Variants in FCHSD2 observed in about 807,000 individuals in gnomAD.
The protein encoded by FCHSD2 is FCH and double SH3 domains 2.
In FCHSD2, 38 loss-of-function variants were observed where a neutral mutation model predicts 108.1. That is an observed-to-expected ratio of 0.35 (90% CI 0.27 to 0.46). The LOEUF is 0.46. FCHSD2 is among the 20% of genes least tolerant of loss of function. The probability of loss-of-function intolerance (pLI) is 1.00; values close to 1 mark genes in which losing one functional copy is unlikely to be tolerated. For synonymous variants in FCHSD2, 279 were observed against 314.7 expected, an observed-to-expected ratio of 0.89 and a Z score of 1.20; for missense variants, 751 against 897.8, an observed-to-expected ratio of 0.84 and a Z score of 2.09.
chr11:73,117,777 A>AT (rs1428227764), intron 2 of FCHSD2, among the ~76,000 whole-genome samples: 1 of 152,178 alleles, frequency 6.6e-6, no homozygotes, highest in Non-Finnish European at 1.5e-5. Context: ...GCTTTATCAC[A>AT]TATCTATCCA....
intron 9 of FCHSD2, 109 bp from the exon 10 acceptor site, chr11:72,902,747 C>A: frequency 1.6e-6 from 1 of 624,646 alleles, no homozygotes; most frequent in Non-Finnish European, 2.7e-6. Flanking sequence ...GAGAAATCAT[C>A]CAACACTGTG....
chr11:73,106,993 T>C (rs1259705620), intron 2 of FCHSD2, among the ~76,000 whole-genome samples: 1 of 152,126 alleles, frequency 6.6e-6, no homozygotes, highest in East Asian at 1.9e-4. Context: ...ACTCGACTTT[T>C]TAAAGCCCAC....
At chr11:73,107,204 G>A (rs140718366) in intron 2 of FCHSD2, among the ~76,000 whole-genome samples, 1,805 of 152,074 alleles carry the variant, frequency 0.012, 25 homozygotes, top group Non-Finnish European at 0.018. Context: ...ACAGGCATGC[G>A]CCACCATACC....
In FCHSD2 at chr11:72,838,604, C is replaced by CA. The variant is rs113447165; in HGVS notation, c.*186dup. On this transcript the variant is annotated 3_prime_UTR_variant, in exon 20 of 20. Coordinates refer to ENST00000409418, the MANE Select transcript of FCHSD2 (RefSeq NM_014824.3). ...GGAGAAATGACATAGAAAATGACAA[C>CA]AAAAAAAAAAGGCACGAAATATTCA... 8,750 of 456,004 alleles carry CA rather than the reference C, an allele frequency of 0.019. 1 individual carries two copies. Among genetic ancestry groups the CA allele is most frequent in the South Asian group, 0.023 (838 of 35,722 alleles). 28.2% of individuals were successfully genotyped at this position (456,004 alleles called of 1,614,324 possible). A position where few individuals can be genotyped will look rare whatever the true frequency, so the allele number is the denominator to read the frequency against.
rs573567289 is a variant in FCHSD2, at chr11:73,132,794, C to T, written c.119+7237G>A. ...AGCCATGACCATGCCCCCTGCACTC[C>T]AGTCTGGGTGACAGAATGAAACGGT... On this transcript the variant is annotated intron_variant, in intron 2 of 19. Coordinates refer to ENST00000409418, the MANE Select transcript of FCHSD2 (RefSeq NM_014824.3). Among the ~76,000 whole-genome samples, 19 of 138,002 alleles carry T rather than the reference C, an allele frequency of 1.4e-4. No homozygotes were observed. In the East Asian group the frequency reaches 2.3e-3, roughly 17 times the overall value. 90.5% of individuals were successfully genotyped at this position (138,002 alleles called of 152,430 possible). A position where few individuals can be genotyped will look rare whatever the true frequency, so the allele number is the denominator to read the frequency against.
intron 12 of FCHSD2, among the ~76,000 whole-genome samples, chr11:72,875,348 CTCTA>C (rs543566870): frequency 2.0e-5 from 3 of 152,170 alleles, no homozygotes; most frequent in Non-Finnish European, 4.4e-5. Context: ...ATATTATAAA[CTCTA>C]TCTATCTATC....
chr11:73,057,397 C>T (rs1226646682), intron 3 of FCHSD2, among the ~76,000 whole-genome samples: 1 of 152,116 alleles, frequency 6.6e-6, no homozygotes, highest in East Asian at 1.9e-4. Context: ...AAGCATTCCA[C>T]CAGGATTTCC....
In FCHSD2 at chr11:73,001,103, C is replaced by T. The variant is rs779720891; in HGVS notation, c.274G>A (p.Glu92Lys). The T allele has an allele frequency of 3.1e-6, 5 of 1,613,152 alleles. No individual in the cohort carries two copies. The highest frequency in any genetic ancestry group is 4.2e-6 in the Non-Finnish European group (5 of 1,179,582). The change falls in exon 5 of 20, where the codon GAG (glutamate) becomes AAG (lysine). Residue 92 changes from glutamate to lysine, a missense_variant. Coordinates refer to ENST00000409418, the MANE Select transcript of FCHSD2 (RefSeq NM_014824.3). Reference protein sequence around the residue: ...SMYPVWKSFLEGTMQVAQSRM... With the variant: ...SMYPVWKSFLKGTMQVAQSRM... ...GACTGGGCTACCTGCATTGTTCCCT[C>T]GAGAAAAGATTTCCAAACGGGATAC... is the stretch of plus-strand genomic sequence containing the variant.
chr11:72,900,224 A>G (rs764241466), intron 10 of FCHSD2: 1 of 582,254 alleles, frequency 1.7e-6, no homozygotes. Context: ...CACACTTCCC[A>G]TCCCTCCCGC....
intron 2 of FCHSD2, among the ~76,000 whole-genome samples, chr11:73,134,448 T>A (rs762637180): frequency 1.3e-5 from 2 of 151,890 alleles, no homozygotes; most frequent in Non-Finnish European, 2.9e-5. Flanking sequence ...CCAGCTTGGG[T>A]GACAGGGCGA....
intron 8 of FCHSD2, among the ~76,000 whole-genome samples, chr11:72,932,224 C>T (rs1856207997): frequency 6.6e-6 from 1 of 152,180 alleles, no homozygotes; most frequent in South Asian, 2.1e-4. Flanking sequence ...TCCACAGCTA[C>T]TCCCCTCTGG....
At chr11:73,121,604 G>A (rs1299859845) in intron 2 of FCHSD2, among the ~76,000 whole-genome samples, 1 of 151,146 alleles carries the variant, frequency 6.6e-6, no homozygotes. Context: ...AAATCAACCT[G>A]TAAAGCTTAA....
intron 5 of FCHSD2, among the ~76,000 whole-genome samples, chr11:72,990,829 G>A (rs1396524664): frequency 6.6e-6 from 1 of 152,142 alleles, no homozygotes; most frequent in Non-Finnish European, 1.5e-5. Flanking sequence ...ACATTCAAAA[G>A]CTAGCAGAAG....
intron 2 of FCHSD2, among the ~76,000 whole-genome samples, chr11:73,112,062 G>C (rs929378983): frequency 6.6e-6 from 1 of 152,016 alleles, no homozygotes; most frequent in Admixed American, 6.6e-5. Flanking sequence ...TTGTTTTTCT[G>C]TGTACTTACT....
At chr11:73,083,557 G>GA (rs72053185) in intron 3 of FCHSD2, 138 bp downstream of exon 3, 99,603 of 467,224 alleles carry the variant, frequency 0.21, 3 homozygotes, top group East Asian at 0.27. Flanking sequence ...CAGAAAAAAA[G>GA]AAAAAAAAAA....
chr11:72,841,354 A>AAAT, intron 18 of FCHSD2, 100 bp downstream of exon 18: 1 of 1,138,142 alleles, frequency 8.8e-7, no homozygotes, highest in Admixed American at 2.8e-5. Flanking sequence ...AAAAAAAAAA[A>AAAT]AAAAAAAAAA....
At chr11:72,975,992 T>G (rs913344181) in intron 8 of FCHSD2, among the ~76,000 whole-genome samples, 1 of 152,226 alleles carries the variant, frequency 6.6e-6, no homozygotes. Flanking sequence ...TTAGTTCATA[T>G]ATTGCACAAG....
At chr11:72,946,535 T>TA (rs1425153185) in intron 8 of FCHSD2, among the ~76,000 whole-genome samples, 3 of 152,074 alleles carry the variant, frequency 2.0e-5, no homozygotes, top group African/African-American at 4.8e-5. Context: ...CCCTAAAACT[T>TA]AAAGTATAAT....
chr11:72,930,720 G>C (rs921808482), intron 8 of FCHSD2, among the ~76,000 whole-genome samples: 8 of 152,200 alleles, frequency 5.3e-5, no homozygotes, highest in African/African-American at 1.9e-4. Flanking sequence ...TCCAGCCTGG[G>C]TGACAGGGCG....
Sources: allele counts gnomAD v4.1 joint callset (sites outside exome capture counted in the v4.1 genomes callset), GRCh38; gene constraint gnomAD v4.1.1; transcripts MANE v1.5; gene names NCBI Gene and HGNC (gene_info 2026-07-23, HGNC 2026-07-21).